The following TMEM87A variants were observed in gnomAD, a reference collection of about 807,000 sequenced individuals.
TMEM87A encodes the protein Golgi-pH regulating cation channel.
A neutral mutation model predicts 90.0 loss-of-function variants in TMEM87A; 50 were observed. The observed-to-expected ratio is 0.56, with a 90% confidence interval of 0.44 to 0.70. The LOEUF is 0.70. TMEM87A is among the 30% of genes least tolerant of loss of function. The pLI, the probability that TMEM87A is intolerant of heterozygous loss-of-function variation, is 0.00. For missense variants in TMEM87A, 577 were observed against 660.5 expected, an observed-to-expected ratio of 0.87 and a Z score of 1.39; for synonymous variants, 226 against 226.7, an observed-to-expected ratio of 1.00 and a Z score of 0.03.
chr15:42,273,503 C>T (rs1470204292), upstream of TMEM87A: 12 of 1,527,418 alleles, frequency 7.9e-6, no homozygotes, highest in Non-Finnish European at 1.1e-5. Flanking sequence ...GTCCTGGAAA[C>T]GTCGCGGAGC....
At position 42,254,770 on chromosome 15, in the gene TMEM87A, C is replaced by T. The variant is rs543051583; in HGVS notation, c.504+6188G>A. On this transcript the variant is annotated intron_variant, in intron 6 of 19. Coordinates refer to ENST00000389834, the MANE Select transcript of TMEM87A (RefSeq NM_015497.5). ...ACTGAAACTATTCTGTATGATACTA[C>T]AAAGGTGAAGATGTCTTTACACATT... 2.6e-5 allele frequency among the ~76,000 whole-genome samples: 4 copies of T among 152,308 alleles called. No homozygotes were observed. The East Asian group carries it at 7.7e-4, about 29-fold the overall frequency.
At position 42,218,642 on chromosome 15, in the gene TMEM87A, C is replaced by T. The variant is rs76657557; in HGVS notation, c.1540-264G>A. ...AGGAATTCAACTTTTTTAGATTCGA[C>T]GTAAGTGAGATCATGTGGTATTTGT... On this transcript the variant is annotated intron_variant, in intron 17 of 19. Transcript: ENST00000389834. 5.0e-3 allele frequency among the ~76,000 whole-genome samples: 759 copies of T among 152,254 alleles called. 4 individuals are homozygous for T. The highest frequency in any genetic ancestry group is 0.018 in the African/African-American group (731 of 41,538).
Position 42,239,186 on chromosome 15 carries a change from G to A in TMEM87A, c.684+484C>T, listed in dbSNP as rs186118415. Reference sequence around the variant, plus strand: ...CTCCCGAGTAGCTGGGACTACAGGCGCCTACCACCACGCCCAGCTAATTTT... The same window carrying A: ...CTCCCGAGTAGCTGGGACTACAGGCACCTACCACCACGCCCAGCTAATTTT... On this transcript the variant is annotated intron_variant, in intron 8 of 19. Transcript: ENST00000389834. Among the ~76,000 whole-genome samples the A allele has an allele frequency of 1.5e-4, 23 of 152,208 alleles. No homozygotes were observed. The East Asian group carries it at 4.3e-3, about 28-fold the overall frequency.
intron 6 of TMEM87A, among the ~76,000 whole-genome samples, chr15:42,245,221 A>G (rs960341456): frequency 6.6e-6 from 1 of 152,130 alleles, no homozygotes; most frequent in African/African-American, 2.4e-5. Flanking sequence ...CTCACAACCA[A>G]TTTGTGAGAA....
rs2050433060 is a variant in TMEM87A, at chr15:42,219,350, T to C, written c.1539+231A>G. On this transcript the variant is annotated intron_variant, in intron 17 of 19. Transcript: ENST00000389834. ...CAAATGTTTTCTCCCACTCTGTAGG[T>C]TGTCTTTTCACTTCGTTAATTGTTT... 2.0e-5 allele frequency among the ~76,000 whole-genome samples: 3 copies of C among 152,162 alleles called. No individual in the cohort carries two copies. In the South Asian group the frequency reaches 6.2e-4, roughly 32 times the overall value.
rs200096627 is a variant in TMEM87A at position 42,237,647 on chromosome 15, A to C, written c.685-32T>G. ...TCAAATTGGGTAAAAGATAAAAAGG[A>C]GAATTAGGGCCAAGAGCCAAGTCTG... On this transcript the variant is annotated intron_variant, in intron 8 of 19. Coordinates refer to ENST00000389834, the MANE Select transcript of TMEM87A (RefSeq NM_015497.5). 6.1e-4 allele frequency: 930 copies of C among 1,530,898 alleles called. 1 individual carries two copies. The highest frequency in any genetic ancestry group is 7.5e-4 in the Non-Finnish European group (853 of 1,135,166). The allele number at this position is 1,530,898 out of a possible 1,614,324, so 94.8% of individuals were successfully genotyped here. A position where few individuals can be genotyped will look rare whatever the true frequency, so the allele number is the denominator to read the frequency against.
chr15:42,273,438 T>G, upstream of TMEM87A: 1 of 1,610,576 alleles, frequency 6.2e-7, no homozygotes, highest in South Asian at 1.1e-5. Flanking sequence ...CATTTCACCC[T>G]CTTCCGGTTC....
chr15:42,253,665 G>A (rs1424538606), intron 6 of TMEM87A, among the ~76,000 whole-genome samples: 3 of 152,204 alleles, frequency 2.0e-5, no homozygotes, highest in Non-Finnish European at 2.9e-5. Flanking sequence ...AACTGGGAAG[G>A]AGGGTATGGT....
chr15:42,223,509 CCTAATGGAAGGCATTTAGGTCATGAGGG>C (rs2050534411), intron 15 of TMEM87A, among the ~76,000 whole-genome samples: 1 of 152,156 alleles, frequency 6.6e-6, no homozygotes, highest in Admixed American at 6.5e-5. Context: ...GGGAGTTGGG[CCTAATGGAAGGCATTTAGGTCATGAGGG>C]CTCCACCCTC....
chr15:42,247,862 T>C (rs1438872804), intron 6 of TMEM87A, among the ~76,000 whole-genome samples: 2 of 152,220 alleles, frequency 1.3e-5, no homozygotes, highest in Non-Finnish European at 2.9e-5. Flanking sequence ...ATTGAATCTA[T>C]AAATTACCTT....
rs554133223 is a variant in TMEM87A, at chr15:42,270,328, C to A, written c.205+1735G>T. 2.0e-5 allele frequency among the ~76,000 whole-genome samples: 3 copies of A among 152,088 alleles called. No homozygotes were observed. The South Asian group carries it at 6.2e-4, about 32-fold the overall frequency. On this transcript the variant is annotated intron_variant, in intron 2 of 19. Transcript: ENST00000389834. Reference sequence around the variant, plus strand: ...GAGGTTACAGTGAGCCGAGATCGTGCCACTGCATTCCAGCCTGGGCGTCAC... The same window carrying A: ...GAGGTTACAGTGAGCCGAGATCGTGACACTGCATTCCAGCCTGGGCGTCAC...
chr15:42,271,664 T>C (rs2051528107), intron 2 of TMEM87A: 1 of 154,828 alleles, frequency 6.5e-6, no homozygotes, highest in Admixed American at 6.5e-5. Flanking sequence ...TGCCATCCAG[T>C]TTTAAGTATA....
chr15:42,244,161 G>A lies in TMEM87A; in HGVS notation c.511C>T (p.His171Tyr). The change falls in exon 7 of 20, where the codon CAT becomes TAT. Residue 171 changes from histidine (H) to tyrosine (Y), a missense_variant. Transcript: ENST00000389834. ...LTFIGDKTAM[H>Y]EPLQTWQDAP... ...TCTTGCCAAGTTTGCAATGGTTCAT[G>A]CATTGCCTAGAAAGGGAAAAGGGCA... The A allele has an allele frequency of 1.9e-6, 3 of 1,547,018 alleles. No homozygotes were observed. The highest frequency in any genetic ancestry group is 2.6e-6 in the Non-Finnish European group (3 of 1,152,434).
At chr15:42,211,860 T>C in intron 19 of TMEM87A, 111 bp from the exon 20 acceptor site, 1 of 994,992 alleles carries the variant, frequency 1.0e-6, no homozygotes, top group African/African-American at 1.6e-5. Context: ...TTTATGTTAA[T>C]TAAATGTTTA....
At position 42,253,406 on chromosome 15, in the gene TMEM87A, T is replaced by G. The variant is rs1322401173; in HGVS notation, c.504+7552A>C. On this transcript the variant is annotated intron_variant, in intron 6 of 19. Transcript: ENST00000389834. ...TCTCTATTGCTTATCCCCACTGTTA[T>G]CCCCTTCCCTATGCACATAATACTT... Among the ~76,000 whole-genome samples the G allele has an allele frequency of 4.6e-5, 7 of 152,264 alleles. No individual in the cohort carries two copies. In the South Asian group the frequency reaches 1.5e-3, roughly 32 times the overall value.
intron 3 of TMEM87A, among the ~76,000 whole-genome samples, chr15:42,267,689 T>C (rs549601989): frequency 6.6e-6 from 1 of 152,318 alleles, no homozygotes; most frequent in South Asian, 2.1e-4. Flanking sequence ...AATATTTTTA[T>C]ATTTTCTCAG....
intron 6 of TMEM87A, chr15:42,258,262 TC>T (rs771736743): frequency 1.4e-5 from 11 of 767,942 alleles, no homozygotes; most frequent in Non-Finnish European, 1.7e-5. Flanking sequence ...ACTCTAAGAT[TC>T]CCTTTTTAAA....
At chr15:42,261,364 T>C (rs1241598515) in intron 4 of TMEM87A, 115 bp from the exon 5 acceptor site, 1 of 713,372 alleles carries the variant, frequency 1.4e-6, no homozygotes, top group African/African-American at 1.8e-5. Context: ...CTAGTAAATA[T>C]AATAACACAG....
intron 3 of TMEM87A, among the ~76,000 whole-genome samples, chr15:42,264,699 A>ATATATATTTTTTTTTT (rs10681614): frequency 6.4e-4 from 70 of 109,430 alleles, no homozygotes; most frequent in East Asian, 8.7e-4. Context: ...ATATATATAT[A>ATATATATTTTTTTTTT]TTTTTTTTTT....
Sources: gnomAD v4.1 joint callset for allele counts (sites outside exome capture counted in the v4.1 genomes callset) on GRCh38, gnomAD v4.1.1 for gene constraint, MANE v1.5 for transcripts, NCBI Gene and HGNC (gene_info 2026-07-23, HGNC 2026-07-21) for gene names.